Variants in ATP1A4 observed in about 807,000 individuals in gnomAD.
The protein encoded by ATP1A4 is sodium/potassium-transporting ATPase subunit alpha-4.
ATP1A4 carries 90 observed loss-of-function variants against 114.3 expected under a neutral mutation model. The observed-to-expected ratio is 0.79, with a 90% CI of 0.66 to 0.94. The LOEUF is 0.94. Ranked by LOEUF, ATP1A4 falls within the 40% of genes least tolerant of loss-of-function variation. The probability of loss-of-function intolerance (pLI) is 0.00; values close to 1 mark genes in which losing one functional copy is unlikely to be tolerated. For synonymous variants in ATP1A4, 511 were observed against 494.1 expected (o/e 1.03, Z -0.45); for missense variants, 1,222 against 1,313.6 (o/e 0.93, Z 1.08).
Position 160,176,187 on chromosome 1 carries a change from G to C in ATP1A4, c.2407G>C (p.Gly803Arg). The C allele has an allele frequency of 1.2e-6, 2 of 1,613,886 alleles. No homozygotes were observed. The highest frequency in any genetic ancestry group is 1.7e-6 in the Non-Finnish European group (2 of 1,179,976). The change falls in exon 16 of 22, where the codon GGT (glycine) becomes CGT (arginine). Residue 803 changes from glycine to arginine, a missense_variant. Physicochemically the swap from Gly to Arg is moderately radical, Grantham distance 125. Coordinates refer to ENST00000368081, the MANE Select transcript of ATP1A4 (RefSeq NM_144699.4). ...GCCCTTCCTGATGTTCATCATCCTC[G>C]GTATACCCCTGCCTCTGGGAACCAT... Reference protein sequence around the residue: ...ITPFLMFIILGIPLPLGTITI... With the variant: ...ITPFLMFIILRIPLPLGTITI...
At position 160,159,847 on chromosome 1, in the gene ATP1A4, T is replaced by C. The variant is rs141912896; in HGVS notation, c.778+321T>C. Among the ~76,000 whole-genome samples, 652 of 152,360 alleles carry C rather than the reference T, an allele frequency of 4.3e-3. 5 individuals carry two copies. The highest frequency in any genetic ancestry group is 0.014 in the African/African-American group (568 of 41,588). On this transcript the variant is annotated intron_variant, in intron 6 of 21. Transcript: ENST00000368081. ...TTTAGCTTGTGAATGGACTATGCTG[T>C]TTAAGCTGAAAATGGCACAGAGGGG...
intron 20 of ATP1A4, among the ~76,000 whole-genome samples, chr1:160,184,784 A>T (rs956219116): frequency 1.3e-5 from 2 of 152,190 alleles, no homozygotes; most frequent in Non-Finnish European, 2.9e-5. Context: ...TCTGTCATCC[A>T]AGGGAACAAC....
At chr1:160,176,710 A>G in intron 17 of ATP1A4, 108 bp downstream of exon 17, 1 of 1,456,038 alleles carries the variant, frequency 6.9e-7, no homozygotes, top group Non-Finnish European at 9.3e-7. Flanking sequence ...TCAGCAACAA[A>G]CTGTGCTAGG....
At chr1:160,166,906 G>A in intron 8 of ATP1A4, 62 bp from the exon 9 acceptor site, 2 of 1,567,148 alleles carry the variant, frequency 1.3e-6, no homozygotes, top group Admixed American at 1.7e-5. Context: ...AAGAGGATGT[G>A]AATAACCGCT....
chr1:160,155,432 G>A (rs1475245934), intron 3 of ATP1A4, among the ~76,000 whole-genome samples, 184 bp downstream of exon 3: 2 of 151,792 alleles, frequency 1.3e-5, no homozygotes, highest in Non-Finnish European at 2.9e-5. Flanking sequence ...TAATTACAAT[G>A]TAATTGATTA....
chr1:160,151,924 CCCCACCA>C lies in ATP1A4; in HGVS notation c.-115_-109del. 8.3e-7 allele frequency: 1 copy of C among 1,207,836 alleles called. No homozygotes were observed. The highest frequency in any genetic ancestry group is 1.1e-6 in the Non-Finnish European group (1 of 878,080). 74.8% of individuals were successfully genotyped at this position (1,207,836 alleles called of 1,614,324 possible). A position where few individuals can be genotyped will look rare whatever the true frequency, so the allele number is the denominator to read the frequency against. ...CTTTCTTTCTGCTCCCTCATTCTCT[CCCCACCA>C]CTCTCTTCTCGTGGCCCCCTTGCCC... On this transcript the variant is annotated 5_prime_UTR_variant, in exon 1 of 22. Coordinates refer to ENST00000368081, the MANE Select transcript of ATP1A4 (RefSeq NM_144699.4).
chr1:160,174,105 C>T lies in ATP1A4; in HGVS notation c.1992-6C>T, dbSNP rs763143351. ...AAACTAGCCTTTTGAAATTATTTTC[C>T]CTCAGTGCTGCCAAAGCCATTGTGG... On this transcript the variant is annotated splice_region_variant and splice_polypyrimidine_tract_variant and intron_variant, in intron 13 of 21. Transcript: ENST00000368081. The T allele has an allele frequency of 1.2e-6, 2 of 1,612,554 alleles. No individual in the cohort carries two copies. Among genetic ancestry groups the T allele is most frequent in the South Asian group, 2.2e-5 (2 of 90,642 alleles).
At chr1:160,158,125 C>A (rs921912853) in intron 4 of ATP1A4, among the ~76,000 whole-genome samples, 5 of 152,124 alleles carry the variant, frequency 3.3e-5, no homozygotes, top group Non-Finnish European at 7.4e-5. Flanking sequence ...AACAAACTAC[C>A]CTAAAACTTA....
Position 160,176,318 on chromosome 1 carries a change from C to G in ATP1A4, c.2466+72C>G. 1.9e-5 allele frequency: 31 copies of G among 1,599,794 alleles called. 1 individual carries two copies. In the South Asian group the frequency reaches 3.3e-4, roughly 17 times the overall value. On this transcript the variant is annotated intron_variant, in intron 16 of 21. Transcript: ENST00000368081. ...TAAGCTCCCTGCTTTCTGCCTGGAGCTATCTTACTAAAACTCATGACAACC... is the reference window on the plus strand; with the variant it reads ...TAAGCTCCCTGCTTTCTGCCTGGAGGTATCTTACTAAAACTCATGACAACC...
At chr1:160,162,922 G>A (rs554014385) in intron 6 of ATP1A4, among the ~76,000 whole-genome samples, 1 of 152,186 alleles carries the variant, frequency 6.6e-6, no homozygotes, top group Non-Finnish European at 1.5e-5. Context: ...AAGGAAATTA[G>A]GCAATAAAAT....
At chr1:160,182,084 C>T (rs1307674645) in intron 20 of ATP1A4, 53 bp downstream of exon 20, 2 of 1,434,070 alleles carry the variant, frequency 1.4e-6, no homozygotes, top group Admixed American at 3.3e-5. Flanking sequence ...GGGGAGCATA[C>T]AGAGGAAGGG....
chr1:160,172,433 G>A (rs191671203), intron 12 of ATP1A4, among the ~76,000 whole-genome samples: 140 of 152,264 alleles, frequency 9.2e-4, no homozygotes, highest in Middle Eastern at 3.4e-3. Flanking sequence ...CTAAAAACTG[G>A]AAACCAAAAA....
chr1:160,186,754 G>A lies in ATP1A4; in HGVS notation c.*55G>A. On this transcript the variant is annotated 3_prime_UTR_variant, in exon 22 of 22. Coordinates refer to ENST00000368081, the MANE Select transcript of ATP1A4 (RefSeq NM_144699.4). Reference sequence around the variant, plus strand: ...CAGGGGTGTTGTGAGAGCTGGGATGGGGCCAGAGATTATAAGTTTGACACA... The same window carrying A: ...CAGGGGTGTTGTGAGAGCTGGGATGAGGCCAGAGATTATAAGTTTGACACA... 6.4e-7 allele frequency: 1 copy of A among 1,559,662 alleles called. No homozygotes were observed. The highest frequency in any genetic ancestry group is 8.8e-7 in the Non-Finnish European group (1 of 1,139,582).
chr1:160,159,298 T>A, intron 5 of ATP1A4, 111 bp from the exon 6 acceptor site: 1 of 1,343,152 alleles, frequency 7.4e-7, no homozygotes, highest in Non-Finnish European at 1.0e-6. Flanking sequence ...TTTGTTTCTC[T>A]CAGTCTGTCA....
intron 10 of ATP1A4, chr1:160,171,030 A>G: frequency 2.2e-6 from 1 of 462,342 alleles, no homozygotes; most frequent in Non-Finnish European, 3.8e-6. Context: ...GGCTGAGAAG[A>G]TAATGGAGAT....
At chr1:160,168,248 C>T (rs1157119462) in intron 10 of ATP1A4, among the ~76,000 whole-genome samples, 7 of 152,090 alleles carry the variant, frequency 4.6e-5, no homozygotes, top group Non-Finnish European at 7.4e-5. Flanking sequence ...CTGAGTTCCA[C>T]GGGGCAATCA....
At chr1:160,157,165 T>C (rs192097335) in intron 4 of ATP1A4, among the ~76,000 whole-genome samples, 11 of 152,310 alleles carry the variant, frequency 7.2e-5, no homozygotes, top group Non-Finnish European at 1.0e-4. Flanking sequence ...GAGAAAGTAA[T>C]GCTTTATTTT....
intron 2 of ATP1A4, among the ~76,000 whole-genome samples, chr1:160,154,556 A>G (rs529656585): frequency 6.6e-6 from 1 of 152,320 alleles, no homozygotes; most frequent in Admixed American, 6.5e-5. Context: ...ATCCATAATA[A>G]ATTATTAACT....
rs559827646 is a variant in ATP1A4 at position 160,180,960 on chromosome 1, C to T, written c.2737-724C>T. On this transcript the variant is annotated intron_variant, in intron 18 of 21. Coordinates refer to ENST00000368081, the MANE Select transcript of ATP1A4 (RefSeq NM_144699.4). ...TGATCTCCTGACCTCGTGATCTGCC[C>T]ACCTCGGCCTCCCAAAGTGCTGGGA... Among the ~76,000 whole-genome samples the T allele has an allele frequency of 9.2e-5, 14 of 151,996 alleles. No individual in the cohort carries two copies. In the East Asian group the frequency reaches 1.4e-3, roughly 15 times the overall value.
Sources: gnomAD v4.1 joint callset for allele counts (sites outside exome capture counted in the v4.1 genomes callset) on GRCh38, gnomAD v4.1.1 for gene constraint, MANE v1.5 for transcripts, NCBI Gene and HGNC (gene_info 2026-07-23, HGNC 2026-07-21) for gene names.